The following CHCHD5 variants were observed in gnomAD, a reference collection of about 807,000 sequenced individuals.
CHCHD5 encodes coiled-coil-helix-coiled-coil-helix domain containing 5.
A neutral mutation model predicts 16.0 loss-of-function variants in CHCHD5; 10 were observed. The observed-to-expected ratio is 0.63, with a 90% confidence interval of 0.39 to 1.06. The LOEUF is 1.06. CHCHD5 is among the 50% of genes least tolerant of loss of function. The probability of loss-of-function intolerance (pLI) is 0.01; values close to 1 mark genes in which losing one functional copy is unlikely to be tolerated. For synonymous variants in CHCHD5, 55 were observed against 56.3 expected (o/e 0.98, Z 0.10); for missense variants, 163 against 153.4 (o/e 1.06, Z -0.33).
chr2:112,586,037 T>C lies in CHCHD5; in HGVS notation c.66T>C (p.Cys22=), dbSNP rs536960920. ...CGRELEQYGQ[C]VAAKPESWQR... ...GGGAGCTGGAGCAGTATGGCCAGTG[T>C]GTGGCGGCCAAGCCGGAATCCTGGC... is the stretch of plus-strand genomic sequence containing the variant. The change falls in exon 2 of 4, where the codon TGT becomes TGC. Residue 22 remains cysteine (C), a synonymous_variant. Transcript: ENST00000324913. 1 of 1,614,130 alleles carries C rather than the reference T, an allele frequency of 6.2e-7. No individual in the cohort carries two copies. The highest frequency in any genetic ancestry group is 1.7e-5 in the Admixed American group (1 of 60,018).
intron 1 of CHCHD5, chr2:112,584,953 ACTTATT>A: frequency 2.0e-6 from 1 of 510,766 alleles, no homozygotes; most frequent in Admixed American, 3.2e-5. Context: ...AAGACTACAG[ACTTATT>A]TAGGGACCTC....
Position 112,585,957 on chromosome 2 carries a change from C to T in CHCHD5, c.3-17C>T. On this transcript the variant is annotated splice_polypyrimidine_tract_variant and intron_variant, in intron 1 of 3. Transcript: ENST00000324913. Reference sequence around the variant, plus strand: ...GCCTACTGCCTGGAATGATCCTCAGCCCATCCTGTCCCACAGGCAGGCGGC... The same window carrying T: ...GCCTACTGCCTGGAATGATCCTCAGTCCATCCTGTCCCACAGGCAGGCGGC... The T allele has an allele frequency of 1.2e-6, 2 of 1,611,192 alleles. No individual in the cohort carries two copies. Among genetic ancestry groups the T allele is most frequent in the Non-Finnish European group, 1.7e-6 (2 of 1,177,920 alleles).
upstream of CHCHD5, chr2:112,584,562 G>A: frequency 6.3e-7 from 1 of 1,582,932 alleles, no homozygotes; most frequent in Middle Eastern, 1.7e-4. Flanking sequence ...AAAAAACCAG[G>A]CTGGGCTGGG....
At chr2:112,587,839 T>A (rs1477380116) in intron 3 of CHCHD5, 1 of 152,086 alleles carries the variant, frequency 6.6e-6, no homozygotes. Flanking sequence ...GTCTTTCAAG[T>A]TTTTTGGGCA....
Position 112,588,869 on chromosome 2 carries a change from C to G in CHCHD5, c.313C>G (p.Gln105Glu), listed in dbSNP as rs757202674. 6.2e-7 allele frequency: 1 copy of G among 1,611,684 alleles called. No individual in the cohort carries two copies. The highest frequency in any genetic ancestry group is 8.5e-7 in the Non-Finnish European group (1 of 1,178,138). ...TGTTGATGTACTTTCTCCACAGGCA[C>G]AGCCACTTCCTGCCTCCTGAGGACT... ...PPRSPATVEA[Q>E]PLPAS Residue 105 changes from glutamine (Q) to glutamate (E), a missense_variant, in exon 4 of 4, where the codon CAG becomes GAG. Gln to Glu is a conservative substitution (Grantham distance 29). Transcript: ENST00000324913.
chr2:112,588,049 G>A (rs1311964273), intron 3 of CHCHD5: 1 of 152,320 alleles, frequency 6.6e-6, no homozygotes, highest in Non-Finnish European at 1.5e-5. Flanking sequence ...CAGCACTTGG[G>A]GAGGCCGAGG....
intron 1 of CHCHD5, chr2:112,584,914 C>T (rs895898354): frequency 5.4e-6 from 3 of 557,202 alleles, no homozygotes; most frequent in Non-Finnish European, 9.7e-6. Context: ...CCCCCAGTAC[C>T]CCAGGTCCGG....
intron 3 of CHCHD5, chr2:112,586,601 G>C: frequency 6.7e-7 from 1 of 1,493,198 alleles, no homozygotes; most frequent in Non-Finnish European, 8.9e-7. Flanking sequence ...CTTCTCCCTG[G>C]TCTCCCTTCC....
chr2:112,585,904 A>T (rs77410754), intron 1 of CHCHD5, 70 bp from the exon 2 acceptor site: 18 of 904,066 alleles, frequency 2.0e-5, no homozygotes, highest in Admixed American at 3.4e-5. Context: ...TCTAAAAAAT[A>T]AAAAAAAAAA....
chr2:112,584,733 G>A (rs903765483), intron 1 of CHCHD5, 84 bp downstream of exon 1: 2 of 1,521,894 alleles, frequency 1.3e-6, no homozygotes, highest in African/African-American at 1.4e-5. Flanking sequence ...AGGACCTCGG[G>A]AACTAGGACC....
At chr2:112,587,607 C>T (rs13396566) in intron 3 of CHCHD5, 2 of 152,214 alleles carry the variant, frequency 1.3e-5, no homozygotes, top group Admixed American at 6.5e-5. Flanking sequence ...GGCTCACATC[C>T]TATGCCTGTG....
rs773472145 is a variant in CHCHD5 at position 112,584,612 on chromosome 2, C to A, written c.-36C>A. 8 of 1,611,148 alleles carry A rather than the reference C, an allele frequency of 5.0e-6. No individual in the cohort carries two copies. In the Admixed American group the frequency reaches 8.3e-5, roughly 17 times the overall value. The stretch of plus-strand genomic sequence containing the variant: ...CCGATACCGGAAAAGGCGGGTCGTT[C>A]CCCCCGGACAGCCCTACGCCGGCAA... On this transcript the variant is annotated 5_prime_UTR_variant, in exon 1 of 4. Coordinates refer to ENST00000324913, the MANE Select transcript of CHCHD5 (RefSeq NM_032309.4).
chr2:112,586,062 C>T lies in CHCHD5; in HGVS notation c.91C>T (p.Gln31Ter), dbSNP rs774147047. 3 of 1,614,230 alleles carry T rather than the reference C, an allele frequency of 1.9e-6. No homozygotes were observed. ...QCVAAKPESW[Q>*]RDCHYLKMSI... The stretch of plus-strand genomic sequence containing the variant: ...TGTGGCGGCCAAGCCGGAATCCTGG[C>T]AGCGGGACTGTCACTACCTTAAGAT... Residue 31 changes from glutamine (Q) to a stop codon, truncating the protein, a stop_gained, in exon 2 of 4, where the codon CAG becomes TAG. Coordinates refer to ENST00000324913, the MANE Select transcript of CHCHD5 (RefSeq NM_032309.4). LOFTEE classifies it high-confidence loss of function.
intron 3 of CHCHD5, 54 bp downstream of exon 3, chr2:112,586,419 C>T (rs1465735317): frequency 1.2e-6 from 2 of 1,612,246 alleles, no homozygotes; most frequent in Non-Finnish European, 1.7e-6. Context: ...CCCCTTCATC[C>T]TTCTGGTTGT....
Position 112,586,202 on chromosome 2 carries a change from C to G in CHCHD5, c.146C>G (p.Pro49Arg). The change falls in exon 3 of 4, where the codon CCA becomes CGA. Residue 49 changes from proline to arginine, a missense_variant and splice_region_variant. Coordinates refer to ENST00000324913, the MANE Select transcript of CHCHD5 (RefSeq NM_032309.4). Reference sequence around the variant, plus strand: ...GCTGAACTGCCCTACCCCCACAGCCCAATCATCCGCCAGATCCGCCAGGCC... The same window carrying G: ...GCTGAACTGCCCTACCCCCACAGCCGAATCATCCGCCAGATCCGCCAGGCC... ...MSIAQCTSSH[P>R]IIRQIRQACA... The G allele has an allele frequency of 6.2e-7, 1 of 1,609,572 alleles. No homozygotes were observed. Among genetic ancestry groups the G allele is most frequent in the Non-Finnish European group, 8.5e-7 (1 of 1,176,164 alleles).
At chr2:112,584,770 C>A in intron 1 of CHCHD5, 121 bp downstream of exon 1, 1 of 1,238,818 alleles carries the variant, frequency 8.1e-7, no homozygotes, top group Non-Finnish European at 1.2e-6. Flanking sequence ...GGAGATCTGA[C>A]CCTCAGGATT....
intron 3 of CHCHD5, chr2:112,588,456 A>G (rs1385697323): frequency 5.3e-6 from 1 of 189,992 alleles, no homozygotes; most frequent in Admixed American, 6.3e-5. Flanking sequence ...GCAGCATGGC[A>G]TACAGACTTT....
chr2:112,586,349 C>T lies in CHCHD5; in HGVS notation c.293C>T (p.Ser98Leu), dbSNP rs1685224921. 1 of 1,614,148 alleles carries T rather than the reference C, an allele frequency of 6.2e-7. No homozygotes were observed. Among genetic ancestry groups the T allele is most frequent in the South Asian group, 1.1e-5 (1 of 91,092 alleles). The change falls in exon 3 of 4, where the codon TCA (serine) becomes TTA (leucine). Residue 98 changes from serine to leucine, a missense_variant. Coordinates refer to ENST00000324913, the MANE Select transcript of CHCHD5 (RefSeq NM_032309.4). ...QCAEQVQPPRSPATVEAQPLP... is the reference protein window; with the variant it reads ...QCAEQVQPPRLPATVEAQPLP... Reference sequence around the variant, plus strand: ...GCTGAGCAGGTGCAGCCGCCACGCTCACCTGCAACTGTGGAGGTAAGAGGG... The same window carrying T: ...GCTGAGCAGGTGCAGCCGCCACGCTTACCTGCAACTGTGGAGGTAAGAGGG...
At chr2:112,588,567 C>T (rs747997654) in intron 3 of CHCHD5, 9 of 414,786 alleles carry the variant, frequency 2.2e-5, no homozygotes, top group South Asian at 6.5e-5. Flanking sequence ...TTTTCTTCAT[C>T]GAATTTCTTG....
Sources: gnomAD v4.1 joint callset for allele counts on GRCh38, gnomAD v4.1.1 for gene constraint, MANE v1.5 for transcripts, NCBI Gene and HGNC (gene_info 2026-07-23, HGNC 2026-07-21) for gene names.